STK3: variants seen among roughly 807,000 people sequenced by gnomAD.
STK3 encodes serine/threonine kinase 3.
In STK3, 41 loss-of-function variants were observed where a neutral mutation model predicts 58.0. The observed-to-expected ratio is 0.71, with a 90% CI of 0.55 to 0.92. STK3 has a LOEUF of 0.92. Among genes scored for constraint, STK3 ranks in the 40% least tolerant of loss-of-function variants. STK3 has a pLI of 0.00. For synonymous variants in STK3, 170 were observed against 191.0 expected (o/e 0.89, Z 0.91); for missense variants, 479 against 602.7 (o/e 0.79, Z 2.15).
At chr8:98,423,534 G>T (rs113518299) in intron 3 of STK3, among the ~76,000 whole-genome samples, 1 of 152,236 alleles carries the variant, frequency 6.6e-6, no homozygotes, top group Non-Finnish European at 1.5e-5. Flanking sequence ...GAAGTCCCTG[G>T]AAGGCTTTCA....
chr8:98,867,171 C>T (rs895473777), intron 3 of STK3, among the ~76,000 whole-genome samples: 9 of 152,130 alleles, frequency 5.9e-5, no homozygotes, highest in Non-Finnish European at 1.2e-4. Flanking sequence ...AATCCTAGCA[C>T]GTTGGGAGGC....
chr8:98,534,762 T>C (rs1459383225), intron 9 of STK3, among the ~76,000 whole-genome samples: 2 of 152,212 alleles, frequency 1.3e-5, no homozygotes, highest in African/African-American at 4.8e-5. Context: ...TCGGTTCCCA[T>C]GGTAACCTCT....
chr8:98,375,547 C>A (rs1300086674), intron 2 of STK3, among the ~76,000 whole-genome samples: 2 of 152,194 alleles, frequency 1.3e-5, no homozygotes, highest in Non-Finnish European at 2.9e-5. Context: ...CTGTGCCCTT[C>A]CTTTATAGTC....
At chr8:98,588,388 G>A (rs901060821) in intron 7 of STK3, among the ~76,000 whole-genome samples, 1 of 151,304 alleles carries the variant, frequency 6.6e-6, no homozygotes, top group Admixed American at 6.6e-5. Flanking sequence ...GAAATTCTGG[G>A]TTGAAAATTC....
chr8:98,570,914 A>G (rs1326562629), intron 8 of STK3, among the ~76,000 whole-genome samples: 1 of 152,234 alleles, frequency 6.6e-6, no homozygotes, highest in Non-Finnish European at 1.5e-5. Flanking sequence ...TCCAGATAGT[A>G]TGATCTATTT....
downstream of STK3, among the ~76,000 whole-genome samples, chr8:98,450,237 T>C (rs557868688): frequency 6.6e-6 from 1 of 152,310 alleles, no homozygotes; most frequent in East Asian, 1.9e-4. Context: ...TGACTCTAAT[T>C]CACTTTCGAA....
At chr8:98,820,756 T>A (rs901335121) in intron 1 of STK3, among the ~76,000 whole-genome samples, 1 of 152,134 alleles carries the variant, frequency 6.6e-6, no homozygotes, top group South Asian at 2.1e-4. Context: ...GGCGGGTGGA[T>A]CACGAGGTCA....
At chr8:98,587,435 T>A (rs1814742125) in intron 7 of STK3, among the ~76,000 whole-genome samples, 1 of 152,160 alleles carries the variant, frequency 6.6e-6, no homozygotes, top group East Asian at 1.9e-4. Flanking sequence ...TCCTGAGTTC[T>A]AGTTTGATTG....
chr8:98,347,961 A>G, the STK3 span, among the ~76,000 whole-genome samples: 1 of 152,234 alleles, frequency 6.6e-6, no homozygotes, highest in Admixed American at 6.5e-5. Context: ...AGCCAACACA[A>G]TATTGAGGGA....
At chr8:98,653,502 T>G (rs556202446) in intron 6 of STK3, among the ~76,000 whole-genome samples, 10 of 151,452 alleles carry the variant, frequency 6.6e-5, no homozygotes, top group Admixed American at 5.9e-4. Flanking sequence ...CTGAAGGAAA[T>G]AGAGACACAA....
chr8:98,710,428 A>G lies in STK3; in HGVS notation c.352-3117T>C, dbSNP rs192403431. On this transcript the variant is annotated intron_variant, in intron 4 of 10. Coordinates refer to ENST00000419617, the MANE Select transcript of STK3 (RefSeq NM_006281.4). ...GGTGACAGATGGCACCTGGAAAATC[A>G]GGTCACTCCCACCCTAATACTGTGC... Among the ~76,000 whole-genome samples, 1,403 of 152,288 alleles carry G rather than the reference A, an allele frequency of 9.2e-3. 17 individuals are homozygous for G. Among genetic ancestry groups the G allele is most frequent in the African/African-American group, 0.032 (1,326 of 41,566 alleles).
chr8:98,375,420 T>A (rs2130994301), intron 2 of STK3, among the ~76,000 whole-genome samples: 1 of 152,280 alleles, frequency 6.6e-6, no homozygotes, highest in South Asian at 2.1e-4. Flanking sequence ...TTCCAAATTA[T>A]TTAAAAACTG....
chr8:98,849,612 T>C (rs900246051), intron 3 of STK3, among the ~76,000 whole-genome samples: 1 of 152,222 alleles, frequency 6.6e-6, no homozygotes, highest in Non-Finnish European at 1.5e-5. Flanking sequence ...TAGAGACAGA[T>C]GCCAGCTTTC....
chr8:98,873,205 A>T (rs1052601489), intron 3 of STK3, among the ~76,000 whole-genome samples: 4 of 152,210 alleles, frequency 2.6e-5, no homozygotes, highest in African/African-American at 9.7e-5. Flanking sequence ...TCTGAGAGAC[A>T]GTGTGCTATA....
chr8:98,541,575 G>T (rs1806944082), intron 9 of STK3, among the ~76,000 whole-genome samples: 1 of 152,098 alleles, frequency 6.6e-6, no homozygotes. Context: ...TACAATCTCT[G>T]ACTTAAATTG....
chr8:98,692,372 T>C (rs916805747), intron 6 of STK3, among the ~76,000 whole-genome samples: 1 of 152,186 alleles, frequency 6.6e-6, no homozygotes, highest in African/African-American at 2.4e-5. Flanking sequence ...CAAAGAAATA[T>C]TATTCAGGCT....
intron 1 of STK3, among the ~76,000 whole-genome samples, chr8:98,783,152 T>C (rs1832220596): frequency 1.3e-5 from 2 of 152,064 alleles, no homozygotes; most frequent in Admixed American, 6.6e-5. Flanking sequence ...GCAGGTTCAG[T>C]TCCATACCGC....
In STK3 at chr8:98,743,201, G is replaced by A. The variant is rs550601472; in HGVS notation, c.351+6075C>T. On this transcript the variant is annotated intron_variant, in intron 4 of 10. Transcript: ENST00000419617. ...ATGCCATCCCCATCAAGCTACCAAT[G>A]ACTTTCTTCACAGAATTGGACAAAA... Among the ~76,000 whole-genome samples, 6 of 150,400 alleles carry A rather than the reference G, an allele frequency of 4.0e-5. No homozygotes were observed. In the South Asian group the frequency reaches 1.1e-3, roughly 27 times the overall value.
intron 8 of STK3, among the ~76,000 whole-genome samples, chr8:98,572,708 G>A (rs1288557497): frequency 6.6e-6 from 1 of 152,148 alleles, no homozygotes; most frequent in Non-Finnish European, 1.5e-5. Flanking sequence ...GAGAGTGTAT[G>A]TGTGTACATA....
Sources: gnomAD v4.1 joint callset for allele counts (sites outside exome capture counted in the v4.1 genomes callset) on GRCh38, gnomAD v4.1.1 for gene constraint, MANE v1.5 for transcripts, NCBI Gene and HGNC (gene_info 2026-07-23, HGNC 2026-07-21) for gene names.